The following PPARGC1B variants were observed in gnomAD, a reference collection of about 807,000 sequenced individuals.
PPARGC1B encodes PPARG coactivator 1 beta, also known as peroxisome proliferator-activated receptor gamma coactivator 1-beta.
A neutral mutation model predicts 101.6 loss-of-function variants in PPARGC1B; 34 were observed. The ratio of observed to expected loss-of-function variants is 0.33; its 90% CI spans 0.25 to 0.45. The LOEUF (loss-of-function observed/expected upper bound fraction) is 0.45, where lower values mean the gene tolerates loss of function less well. Ranked by LOEUF, PPARGC1B falls within the 20% of genes least tolerant of loss-of-function variation. PPARGC1B has a pLI of 1.00. For missense variants in PPARGC1B, 1,234 were observed against 1,317.6 expected, an observed-to-expected ratio of 0.94 and a Z score of 0.98; for synonymous variants, 548 against 539.3, an observed-to-expected ratio of 1.02 and a Z score of -0.22.
At chr5:149,738,028 C>T (rs938006546) in intron 1 of PPARGC1B, among the ~76,000 whole-genome samples, 1 of 152,064 alleles carries the variant, frequency 6.6e-6, no homozygotes, top group Non-Finnish European at 1.5e-5. Context: ...CAGTGAAAAT[C>T]GAATGACAAC....
chr5:149,778,798 T>G (rs1326459566), intron 1 of PPARGC1B, among the ~76,000 whole-genome samples: 1 of 152,164 alleles, frequency 6.6e-6, no homozygotes, highest in Non-Finnish European at 1.5e-5. Context: ...CTGGCACTCA[T>G]GGCCTCAGTT....
intron 1 of PPARGC1B, among the ~76,000 whole-genome samples, chr5:149,790,467 T>C (rs1756977507): frequency 6.6e-6 from 1 of 152,100 alleles, no homozygotes; most frequent in Admixed American, 6.5e-5. Context: ...CTGCTCTCCC[T>C]GTCCAGACTG....
At chr5:149,749,348 G>GA (rs1433401946) in intron 1 of PPARGC1B, among the ~76,000 whole-genome samples, 3 of 152,194 alleles carry the variant, frequency 2.0e-5, no homozygotes, top group Non-Finnish European at 4.4e-5. Flanking sequence ...CCAGGGATGT[G>GA]AAGTGACTTA....
At chr5:149,830,068 A>AAC (rs1561602414) in intron 3 of PPARGC1B, among the ~76,000 whole-genome samples, 2 of 147,182 alleles carry the variant, frequency 1.4e-5, no homozygotes, top group African/African-American at 5.1e-5. Flanking sequence ...AAAAAAAAAA[A>AAC]AACAGGGTGG....
At chr5:149,743,180 G>C (rs1270300537) in intron 1 of PPARGC1B, among the ~76,000 whole-genome samples, 3 of 142,494 alleles carry the variant, frequency 2.1e-5, no homozygotes, top group Non-Finnish European at 4.5e-5. Flanking sequence ...TTTTGAGACA[G>C]ATTCTCGCTC....
intron 1 of PPARGC1B, among the ~76,000 whole-genome samples, chr5:149,790,414 C>CA (rs1254293757): frequency 6.6e-6 from 1 of 152,104 alleles, no homozygotes; most frequent in Admixed American, 6.5e-5. Context: ...CTCACCCCTG[C>CA]ACACCCTCCC....
chr5:149,807,425 G>A (rs1287863179), intron 1 of PPARGC1B, among the ~76,000 whole-genome samples: 6 of 152,080 alleles, frequency 3.9e-5, no homozygotes, highest in African/African-American at 1.2e-4. Flanking sequence ...CCCTTCAGCC[G>A]TGTGACATGA....
rs1448544048 is a variant in PPARGC1B, at chr5:149,836,764, T to G, written c.2309T>G (p.Leu770Arg). The part of the protein sequence containing the change: ...IRASLTKHFG[L>R]LETALEEEDL... ...GCCAGCCTCACCAAACACTTTGGGC[T>G]GCTGGAGACCGCCCTGGAGGAGGAA... is the stretch of plus-strand genomic sequence containing the variant. Residue 770 changes from leucine (L) to arginine (R), a missense_variant, in exon 8 of 12, where the codon CTG becomes CGG. Coordinates refer to ENST00000309241, the MANE Select transcript of PPARGC1B (RefSeq NM_133263.4). The G allele has an allele frequency of 1.9e-6, 3 of 1,613,716 alleles. No individual in the cohort carries two copies. Among genetic ancestry groups the G allele is most frequent in the Non-Finnish European group, 2.5e-6 (3 of 1,180,028 alleles).
At chr5:149,829,137 G>A (rs753096755) in intron 3 of PPARGC1B, among the ~76,000 whole-genome samples, 2 of 152,154 alleles carry the variant, frequency 1.3e-5, no homozygotes, top group Admixed American at 6.5e-5. Flanking sequence ...AGAGTCCAGC[G>A]ATGGACTTGT....
At position 149,833,047 on chromosome 5, in the gene PPARGC1B, C is replaced by G. The variant is rs771732597; in HGVS notation, c.974C>G (p.Ser325Cys). The G allele has an allele frequency of 7.4e-6, 12 of 1,613,754 alleles. No homozygotes were observed. ...ACSNPSQQVR[S>C]RPWSRHHSKA... The stretch of plus-strand genomic sequence containing the variant: ...AGCAACCCCTCCCAGCAGGTCAGAT[C>G]CCGGCCCTGGTCCCGGCACCACTCC... Residue 325 changes from serine (S) to cysteine (C), a missense_variant, in exon 5 of 12, where the codon TCC (serine) becomes TGC (cysteine). Around this residue, in one of 3 missense-constraint regions of PPARGC1B, gnomAD observed 734 missense variants for 768.4 expected, o/e 0.96. Transcript: ENST00000309241. The surrounding 1 kb of genome is among the most constrained non-coding windows in gnomAD (Gnocchi z 4.1).
intron 1 of PPARGC1B, among the ~76,000 whole-genome samples, chr5:149,764,529 C>A (rs1039638308): frequency 2.6e-5 from 4 of 152,184 alleles, no homozygotes; most frequent in African/African-American, 9.7e-5. Context: ...GGAAAGACTG[C>A]ATAGACACAG....
At chr5:149,828,034 CA>C (rs1420181295) in intron 3 of PPARGC1B, among the ~76,000 whole-genome samples, 1 of 152,198 alleles carries the variant, frequency 6.6e-6, no homozygotes, top group Admixed American at 6.5e-5. Flanking sequence ...TGGTGACCCT[CA>C]AGCCCAGCTC....
chr5:149,777,698 T>C (rs1329261319), intron 1 of PPARGC1B, among the ~76,000 whole-genome samples: 1 of 151,720 alleles, frequency 6.6e-6, no homozygotes, highest in African/African-American at 2.4e-5. Flanking sequence ...TTTGGTCCTC[T>C]CTCCCCATGA....
At chr5:149,785,827 A>G (rs996791135) in intron 1 of PPARGC1B, among the ~76,000 whole-genome samples, 5 of 152,168 alleles carry the variant, frequency 3.3e-5, no homozygotes, top group Admixed American at 1.3e-4. Flanking sequence ...AGCCTCCCCA[A>G]CAACTATGAG....
chr5:149,769,958 C>T (rs1756063914), intron 1 of PPARGC1B, among the ~76,000 whole-genome samples: 1 of 152,062 alleles, frequency 6.6e-6, no homozygotes, highest in Non-Finnish European at 1.5e-5. Flanking sequence ...CGGCAGAGTC[C>T]CTTTTGCCCT....
intron 1 of PPARGC1B, among the ~76,000 whole-genome samples, chr5:149,776,242 C>T (rs1253559150): frequency 6.6e-6 from 1 of 152,242 alleles, no homozygotes; most frequent in African/African-American, 2.4e-5. Context: ...CATAGCCTCA[C>T]TTCTGTTGCT....
chr5:149,736,114 C>T lies in PPARGC1B; in HGVS notation c.78+5694C>T, dbSNP rs147741493. On this transcript the variant is annotated intron_variant, in intron 1 of 11. Transcript: ENST00000309241. ...CTGAGATTGCACCACTGCACTCCAG[C>T]CTAGGCAACAGAGTGAGACTCCATC... Among the ~76,000 whole-genome samples, 319 of 152,234 alleles carry T rather than the reference C, an allele frequency of 2.1e-3. 3 individuals are homozygous for T. The highest frequency in any genetic ancestry group is 0.014 in the Middle Eastern group (4 of 294).
chr5:149,766,609 C>G (rs917019917), intron 1 of PPARGC1B, among the ~76,000 whole-genome samples: 2 of 152,216 alleles, frequency 1.3e-5, no homozygotes. Context: ...AATATCTGTC[C>G]TGTTCCTGGA....
intron 1 of PPARGC1B, among the ~76,000 whole-genome samples, chr5:149,769,695 A>G (rs960532243): frequency 6.6e-6 from 1 of 152,186 alleles, no homozygotes; most frequent in Non-Finnish European, 1.5e-5. Context: ...CATGGGTCTC[A>G]CTGGGCTGAA....
Sources: gnomAD v4.1 joint callset for allele counts (sites outside exome capture counted in the v4.1 genomes callset) on GRCh38, gnomAD v4.1.1 for gene constraint, gnomAD v4.1.1 regional missense constraint, Gnocchi (gnomAD v3.1) non-coding constraint, MANE v1.5 for transcripts, NCBI Gene and HGNC (gene_info 2026-07-23, HGNC 2026-07-21) for gene names.